The following URB1 variants were observed in gnomAD, a reference collection of about 807,000 sequenced individuals.
The protein encoded by URB1 is nucleolar pre-ribosomal-associated protein 1.
In URB1, 197 loss-of-function variants were observed where a neutral mutation model predicts 242.3. That is an observed-to-expected ratio of 0.81 (90% CI 0.72 to 0.91). The LOEUF is 0.91. URB1 is among the 40% of genes least tolerant of loss of function. The pLI is 0.00. For synonymous variants in URB1, 1,153 were observed against 1,201.8 expected, an observed-to-expected ratio of 0.96 and a Z score of 0.84; for missense variants, 2,721 against 2,860.5, an observed-to-expected ratio of 0.95 and a Z score of 1.11.
chr21:32,338,343 G>C (rs2032986409), intron 26 of URB1, among the ~76,000 whole-genome samples: 1 of 152,102 alleles, frequency 6.6e-6, no homozygotes, highest in Non-Finnish European at 1.5e-5. Flanking sequence ...ATCTTCCCAA[G>C]CAGAAATTTC....
intron 29 of URB1, 140 bp from the exon 30 acceptor site, chr21:32,333,559 G>A: frequency 1.5e-6 from 1 of 657,706 alleles, no homozygotes; most frequent in Non-Finnish European, 2.6e-6. Context: ...GATATCTTGG[G>A]GATGGGAGCC....
At chr21:32,380,215 G>T (rs2033508184) in intron 4 of URB1, among the ~76,000 whole-genome samples, 1 of 151,956 alleles carries the variant, frequency 6.6e-6, no homozygotes, top group African/African-American at 2.4e-5. Context: ...TATTTTGTTG[G>T]GTCTATGTTT....
chr21:32,340,679 T>C (rs751855713), intron 25 of URB1, among the ~76,000 whole-genome samples: 3 of 152,110 alleles, frequency 2.0e-5, no homozygotes, highest in Non-Finnish European at 4.4e-5. Flanking sequence ...GAACTGAAGA[T>C]GCACCCACAC....
chr21:32,339,684 G>A (rs976609809), intron 25 of URB1, among the ~76,000 whole-genome samples: 2 of 151,812 alleles, frequency 1.3e-5, no homozygotes, highest in Non-Finnish European at 2.9e-5. Context: ...GTAGAGACGG[G>A]GTTTCACTGT....
At chr21:32,386,662 C>G (rs986003936) in intron 1 of URB1, among the ~76,000 whole-genome samples, 4 of 152,162 alleles carry the variant, frequency 2.6e-5, no homozygotes, top group African/African-American at 9.7e-5. Context: ...GTTCCCTCAA[C>G]TGTAGAATGG....
rs555458848 is a variant in URB1 at position 32,319,481 on chromosome 21, C to T, written c.5595-67G>A. 1.1e-4 allele frequency: 156 copies of T among 1,377,254 alleles called. 2 individuals carry two copies. In the East Asian group the frequency reaches 4.1e-3, roughly 36 times the overall value. 85.3% of individuals were successfully genotyped at this position (1,377,254 alleles called of 1,614,324 possible). On this transcript the variant is annotated intron_variant, in intron 35 of 38. Coordinates refer to ENST00000382751, the MANE Select transcript of URB1 (RefSeq NM_014825.3). ...CCTTTCAGCAGGATCAGACTATCGC[C>T]CTCCATAATCCTATCTGCTCATCCC... is the stretch of plus-strand genomic sequence containing the variant.
chr21:32,375,287 C>A (rs2123614925), intron 6 of URB1, 111 bp downstream of exon 6: 1 of 624,384 alleles, frequency 1.6e-6, no homozygotes, highest in Non-Finnish European at 2.5e-6. Flanking sequence ...ACCAATACAA[C>A]AATCTATGTA....
intron 12 of URB1, 44 bp from the exon 13 acceptor site, chr21:32,361,167 G>GAAAGAAAGAAAGAAAGAAAGAAAC: frequency 3.3e-6 from 2 of 604,634 alleles, no homozygotes; most frequent in Non-Finnish European, 5.4e-6. Context: ...AAAAAAGAAA[G>GAAAGAAAGAAAGAAAGAAAGAAAC]AAAGAAAGAA....
intron 2 of URB1, 125 bp from the exon 3 acceptor site, chr21:32,384,589 C>T: frequency 8.0e-7 from 1 of 1,248,858 alleles, no homozygotes; most frequent in Non-Finnish European, 1.1e-6. Flanking sequence ...AGGATGACGC[C>T]CACCCAGATC....
Position 32,393,000 on chromosome 21 carries a change from C to G in URB1, c.-90G>C. The stretch of plus-strand genomic sequence containing the variant: ...CAGACAGCAGACACGCGCTTCAGGC[C>G]CACATGGCGCAGGAAGAGGCGGGGC... On this transcript the variant is annotated 5_prime_UTR_variant, in exon 1 of 39. Coordinates refer to ENST00000382751, the MANE Select transcript of URB1 (RefSeq NM_014825.3). The G allele has an allele frequency of 7.2e-7, 1 of 1,390,182 alleles. No homozygotes were observed. Among genetic ancestry groups the G allele is most frequent in the Non-Finnish European group, 9.4e-7 (1 of 1,066,420 alleles). The allele number at this position is 1,390,182 out of a possible 1,614,324, so 86.1% of individuals were successfully genotyped here.
chr21:32,347,335 G>A lies in URB1; in HGVS notation c.3489C>T (p.Cys1163=). 1.3e-6 allele frequency: 2 copies of A among 1,551,338 alleles called. No homozygotes were observed. Among genetic ancestry groups the A allele is most frequent in the South Asian group, 1.2e-5 (1 of 84,060 alleles). ...CACTCTGCAGCTGATCCTGGGGGCT[G>A]CAGGTCAGCAGCTGCACCAGGGTCT... The part of the protein sequence containing the change: ...LGKTLVQLLT[C]SPQDQLQSGE... The change falls in exon 22 of 39, where the codon TGC becomes TGT. Residue 1163 remains cysteine, a synonymous_variant. Coordinates refer to ENST00000382751, the MANE Select transcript of URB1 (RefSeq NM_014825.3).
intron 1 of URB1, 97 bp from the exon 2 acceptor site, chr21:32,385,781 C>T (rs770377568): frequency 4.1e-4 from 578 of 1,417,926 alleles, no homozygotes; most frequent in Admixed American, 7.0e-4. Context: ...CTGTGACCTT[C>T]CCCGATCCAC....
intron 18 of URB1, 88 bp from the exon 19 acceptor site, chr21:32,352,994 C>A (rs1258195636): frequency 2.2e-6 from 3 of 1,382,078 alleles, no homozygotes; most frequent in East Asian, 5.0e-5. Context: ...CACATACAGG[C>A]AAGACCCTGA....
At position 32,355,517 on chromosome 21, in the gene URB1, G is replaced by A. The variant is rs1271033239; in HGVS notation, c.2038C>T (p.Leu680Phe). 6.4e-7 allele frequency: 1 copy of A among 1,551,762 alleles called. No individual in the cohort carries two copies. The highest frequency in any genetic ancestry group is 1.4e-5 in the African/African-American group (1 of 73,180). Reference protein sequence around the residue: ...VFEHTWKELELWLEHLENTME... With the variant: ...VFEHTWKELEFWLEHLENTME... ...GTGTTCTCTAAATGCTCCAGCCAGA[G>A]CTCCAGCTCCTTCCAGGTGTGCTCA... is the stretch of plus-strand genomic sequence containing the variant. The change falls in exon 16 of 39, where the codon CTC (leucine) becomes TTC (phenylalanine). Residue 680 changes from leucine to phenylalanine, a missense_variant. By Grantham distance (22) the Leu-to-Phe change is conservative. Transcript: ENST00000382751.
rs1456659679 is a variant in URB1 at position 32,311,650 on chromosome 21, A to G, written c.*3268T>C. On this transcript the variant is annotated 3_prime_UTR_variant, in exon 39 of 39. Transcript: ENST00000382751. ...CAGTATGGACTGTTCTGCAGCAACT[A>G]TGATGCCTGCCTCCCACTCTGCTCT... The G allele has an allele frequency of 6.2e-7, 1 of 1,610,548 alleles. No homozygotes were observed. The highest frequency in any genetic ancestry group is 1.1e-5 in the South Asian group (1 of 90,352).
chr21:32,361,159 AAAAGAAAG>A lies in URB1; in HGVS notation c.1640-44_1640-37del, dbSNP rs3056303. 5.5e-4 allele frequency: 150 copies of A among 270,326 alleles called. 5 individuals carry two copies. The highest frequency in any genetic ancestry group is 5.4e-3 in the East Asian group (60 of 11,072). The allele number at this position is 270,326 out of a possible 1,614,324, so 16.7% of individuals were successfully genotyped here. A position where few individuals can be genotyped will look rare whatever the true frequency, so the allele number is the denominator to read the frequency against. On this transcript the variant is annotated intron_variant, in intron 12 of 38. Transcript: ENST00000382751. Reference sequence around the variant, plus strand: ...AAAAGAAAAAGAAAGAAAAAGAGAAAAAAGAAAGAAAGAAAGAAAGAAAGAAAGAAAGA... The same window carrying A: ...AAAAGAAAAAGAAAGAAAAAGAGAAAAAAGAAAGAAAGAAAGAAAGAAAGA...
At chr21:32,385,870 G>A (rs1373263675) in intron 1 of URB1, among the ~76,000 whole-genome samples, 186 bp from the exon 2 acceptor site, 2 of 152,052 alleles carry the variant, frequency 1.3e-5, no homozygotes, top group Admixed American at 6.5e-5. Flanking sequence ...CCCTAAACCC[G>A]GCCGGGCGCG....
chr21:32,347,520 G>A lies in URB1; in HGVS notation c.3304C>T (p.Pro1102Ser), dbSNP rs751826113. 4 of 1,551,314 alleles carry A rather than the reference G, an allele frequency of 2.6e-6. No homozygotes were observed. The East Asian group carries it at 7.3e-5, about 28-fold the overall frequency. Residue 1102 changes from proline (P) to serine (S), a missense_variant, in exon 22 of 39, where the codon CCG becomes TCG. Physicochemically the swap from Pro to Ser is moderately conservative, Grantham distance 74. Transcript: ENST00000382751. The stretch of plus-strand genomic sequence containing the variant: ...TCCTGCAGGGCCTCCAGCTGCGGCG[G>A]GGTCTTTGGTGGTGATGTGGCCGGG... ...AGPATSPPKT[P>S]PQLEALQELH...
rs2032555760 is a variant in URB1 at position 32,311,148 on chromosome 21, G to A, written c.*3770C>T. ...GACACAGGCAAAAGGGCATGTGCAG[G>A]GAAACTCCCCTTTATAAAACCATCA... On this transcript the variant is annotated 3_prime_UTR_variant, in exon 39 of 39. Coordinates refer to ENST00000382751, the MANE Select transcript of URB1 (RefSeq NM_014825.3). 3 of 154,960 alleles carry A rather than the reference G, an allele frequency of 1.9e-5. 1 individual carries two copies. The South Asian group carries it at 6.0e-4, about 31-fold the overall frequency. 9.6% of individuals were successfully genotyped at this position (154,960 alleles called of 1,614,324 possible).
Sources: gnomAD v4.1 joint callset for allele counts (sites outside exome capture counted in the v4.1 genomes callset) on GRCh38, gnomAD v4.1.1 for gene constraint, MANE v1.5 for transcripts, NCBI Gene and HGNC (gene_info 2026-07-23, HGNC 2026-07-21) for gene names.